Variants in UBR1 observed in about 807,000 individuals in gnomAD.
UBR1 encodes the protein E3 ubiquitin-protein ligase UBR1.
A neutral mutation model predicts 242.1 loss-of-function variants in UBR1; 102 were observed. The ratio of observed to expected loss-of-function variants is 0.42; its 90% CI spans 0.36 to 0.50. UBR1 has a LOEUF of 0.50. UBR1 is among the 20% of genes least tolerant of loss of function. UBR1 has a pLI of 0.01. For missense variants in UBR1, 1,772 were observed against 2,101.8 expected, an observed-to-expected ratio of 0.84 and a Z score of 3.07; for synonymous variants, 675 against 684.8, an observed-to-expected ratio of 0.99 and a Z score of 0.22.
intron 29 of UBR1, among the ~76,000 whole-genome samples, chr15:43,013,547 C>T (rs1228753226): frequency 6.6e-6 from 1 of 152,192 alleles, no homozygotes; most frequent in Admixed American, 6.5e-5. Flanking sequence ...AATGTAATAA[C>T]TGCAGTCATT....
intron 40 of UBR1, among the ~76,000 whole-genome samples, chr15:42,968,578 T>TTA (rs1265897240): frequency 6.6e-6 from 1 of 152,008 alleles, no homozygotes; most frequent in Non-Finnish European, 1.5e-5. Context: ...TGCAGGTTTG[T>TTA]TATATAGGTA....
intron 1 of UBR1, among the ~76,000 whole-genome samples, chr15:43,087,208 A>G (rs1596138618): frequency 6.6e-6 from 1 of 152,068 alleles, no homozygotes; most frequent in Admixed American, 6.6e-5. Context: ...GATCGAGACC[A>G]CCCTGGCTAA....
intron 30 of UBR1, among the ~76,000 whole-genome samples, chr15:43,006,068 A>AC (rs1378042911): frequency 2.1e-5 from 3 of 144,662 alleles, no homozygotes; most frequent in African/African-American, 7.7e-5. Flanking sequence ...TCGGAGAAAC[A>AC]CCCAAGAATG....
intron 1 of UBR1, among the ~76,000 whole-genome samples, chr15:43,088,201 T>C (rs1326216846): frequency 2.0e-5 from 3 of 152,246 alleles, no homozygotes; most frequent in African/African-American, 7.2e-5. Context: ...AAAACCTGAA[T>C]GTCCGTGAAG....
intron 10 of UBR1, among the ~76,000 whole-genome samples, chr15:43,056,687 C>T (rs925813830): frequency 6.6e-6 from 1 of 152,042 alleles, no homozygotes; most frequent in Non-Finnish European, 1.5e-5. Context: ...TTAAAATATA[C>T]ACATAGGTTA....
chr15:43,041,640 GGA>G (rs1283603350), intron 15 of UBR1, among the ~76,000 whole-genome samples: 2 of 151,914 alleles, frequency 1.3e-5, no homozygotes, highest in African/African-American at 4.8e-5. Flanking sequence ...TGAGTTTTTT[GGA>G]TATGACACCA....
intron 1 of UBR1, among the ~76,000 whole-genome samples, chr15:43,103,087 G>C (rs918474687): frequency 6.6e-6 from 1 of 152,220 alleles, no homozygotes; most frequent in Non-Finnish European, 1.5e-5. Flanking sequence ...AGAATTGCTT[G>C]AACCTGGGAG....
intron 33 of UBR1, among the ~76,000 whole-genome samples, chr15:42,995,521 A>T (rs1486167171): frequency 6.6e-6 from 1 of 151,456 alleles, no homozygotes; most frequent in Non-Finnish European, 1.5e-5. Flanking sequence ...AAAAAAAATT[A>T]GCTGGGCGCG....
chr15:43,104,619 T>G (rs2034274825), intron 1 of UBR1, among the ~76,000 whole-genome samples: 1 of 152,074 alleles, frequency 6.6e-6, no homozygotes, highest in South Asian at 2.1e-4. Context: ...GTCTCTTCAG[T>G]CCCTGGAGTT....
At chr15:43,014,861 G>A (rs1214324483) in intron 29 of UBR1, among the ~76,000 whole-genome samples, 41 of 148,296 alleles carry the variant, frequency 2.8e-4, no homozygotes, top group Middle Eastern at 7.2e-3. Flanking sequence ...CCGGCCAGCC[G>A]CCCCGTCCCA....
intron 9 of UBR1, 132 bp downstream of exon 9, chr15:43,058,953 C>G (rs901814386): frequency 7.7e-6 from 6 of 778,156 alleles, no homozygotes; most frequent in Non-Finnish European, 1.3e-5. Context: ...TTTATATTCA[C>G]ATGTAGTATC....
intron 37 of UBR1, among the ~76,000 whole-genome samples, chr15:42,981,921 T>C (rs1419461396): frequency 3.3e-5 from 5 of 152,234 alleles, no homozygotes; most frequent in Non-Finnish European, 5.9e-5. Flanking sequence ...TAAATGTTCA[T>C]ATGAAAAACT....
At position 42,945,315 on chromosome 15, in the gene UBR1, G is replaced by A; in HGVS notation, c.*14C>T. On this transcript the variant is annotated 3_prime_UTR_variant, in exon 47 of 47. Coordinates refer to ENST00000290650, the MANE Select transcript of UBR1 (RefSeq NM_174916.3). ...CTGTCGTCATTTGTGATTGTCTTGA[G>A]GCAGAGTTGGAGCTCACAGTAACTG... 6.2e-7 allele frequency: 1 copy of A among 1,614,050 alleles called. No homozygotes were observed. Among genetic ancestry groups the A allele is most frequent in the Non-Finnish European group, 8.5e-7 (1 of 1,179,984 alleles).
rs114704029 is a variant in UBR1 at position 43,060,562 on chromosome 15, C to T, written c.799-448G>A. Among the ~76,000 whole-genome samples, 434 of 152,138 alleles carry T rather than the reference C, an allele frequency of 2.9e-3. 2 individuals are homozygous for T. The highest frequency in any genetic ancestry group is 9.9e-3 in the African/African-American group (411 of 41,516). ...CTACTGATTCCACCAGTCCTGGAGG[C>T]GGTCATGCAAGGTCTATGTAGGATT... On this transcript the variant is annotated intron_variant, in intron 6 of 46. Coordinates refer to ENST00000290650, the MANE Select transcript of UBR1 (RefSeq NM_174916.3).
At position 43,068,009 on chromosome 15, in the gene UBR1, G is replaced by A; in HGVS notation, c.687C>T (p.Val229=). 6.2e-7 allele frequency: 1 copy of A among 1,607,166 alleles called. No individual in the cohort carries two copies. The highest frequency in any genetic ancestry group is 8.5e-7 in the Non-Finnish European group (1 of 1,177,146). Residue 229 remains valine, a synonymous_variant, in exon 6 of 47, where the codon GTC becomes GTT. Transcript: ENST00000290650. ...ATGAATGGTGTTCATCATTGAAAAG[G>A]ACACAATAGTATCTTTCATTTTTCT... The part of the protein sequence containing the change: ...IREKNERYYC[V]LFNDEHHSYD...
At chr15:43,065,257 TTC>T (rs989765881) in intron 6 of UBR1, among the ~76,000 whole-genome samples, 62 of 152,224 alleles carry the variant, frequency 4.1e-4, no homozygotes, top group Non-Finnish European at 1.8e-4. Context: ...TTCTATTATT[TTC>T]TGTCTTCTTT....
intron 40 of UBR1, 116 bp from the exon 41 acceptor site, chr15:42,966,402 G>T: frequency 2.1e-6 from 3 of 1,421,552 alleles, no homozygotes; most frequent in Non-Finnish European, 2.9e-6. Context: ...TATTATCCAT[G>T]CAATTTTTAA....
chr15:43,015,981 T>C, intron 28 of UBR1, 112 bp from the exon 29 acceptor site: 2 of 914,886 alleles, frequency 2.2e-6, no homozygotes, highest in Non-Finnish European at 3.4e-6. Flanking sequence ...GATTACCCCT[T>C]ACATCCTGGA....
At chr15:42,963,803 A>G in intron 42 of UBR1, 132 bp downstream of exon 42, 1 of 690,788 alleles carries the variant, frequency 1.4e-6, no homozygotes, top group Non-Finnish European at 2.6e-6. Context: ...TAAGTGTGTA[A>G]CTTAGGAATC....
Sources: gnomAD v4.1 joint callset for allele counts (sites outside exome capture counted in the v4.1 genomes callset) on GRCh38, gnomAD v4.1.1 for gene constraint, MANE v1.5 for transcripts, NCBI Gene and HGNC (gene_info 2026-07-23, HGNC 2026-07-21) for gene names.